Variants in CACNA1S observed in about 807,000 individuals in gnomAD.
CACNA1S encodes voltage-dependent L-type calcium channel subunit alpha-1S.
CACNA1S carries 126 observed loss-of-function variants against 207.4 expected under a neutral mutation model. That is an observed-to-expected ratio of 0.61 (90% CI 0.53 to 0.70). CACNA1S has a LOEUF of 0.70. Ranked by LOEUF, CACNA1S falls within the 30% of genes least tolerant of loss-of-function variation. The probability of loss-of-function intolerance (pLI) is 0.00; values close to 1 mark genes in which losing one functional copy is unlikely to be tolerated. For missense variants in CACNA1S, 2,349 were observed against 2,422.8 expected, an observed-to-expected ratio of 0.97 and a Z score of 0.64; for synonymous variants, 960 against 932.7, an observed-to-expected ratio of 1.03 and a Z score of -0.53.
At chr1:201,084,866 A>T in intron 9 of CACNA1S, 84 bp downstream of exon 9, 1 of 957,668 alleles carries the variant, frequency 1.0e-6, no homozygotes, top group Non-Finnish European at 1.7e-6. Context: ...CTCTGAAACC[A>T]CTGAGGGGAA....
At chr1:201,083,519 A>G (rs1661919443) in intron 9 of CACNA1S, among the ~76,000 whole-genome samples, 197 bp from the exon 10 acceptor site, 1 of 152,210 alleles carries the variant, frequency 6.6e-6, no homozygotes. Flanking sequence ...AGCGATAATG[A>G]CACAAACCTC....
Position 201,047,626 on chromosome 1 carries a change from C to T in CACNA1S, c.4442G>A (p.Gly1481Asp). 4 of 1,613,328 alleles carry T rather than the reference C, an allele frequency of 2.5e-6. No homozygotes were observed. The highest frequency in any genetic ancestry group is 3.4e-6 in the Non-Finnish European group (4 of 1,179,240). ...CTCCTCGTTGGCCTGCTCAAAGTTA[C>T]CTGGAGCAGGAGAAAGGCAAAAGTT... ...VRTALKIKTEGNFEQANEELR... is the reference protein window; with the variant it reads ...VRTALKIKTEDNFEQANEELR... The change falls in exon 37 of 44, where the codon GGT (glycine) becomes GAT (aspartate). Residue 1481 changes from glycine (G) to aspartate (D), a missense_variant and splice_region_variant. Transcript: ENST00000362061.
chr1:201,078,792 C>T (rs1011187428), intron 10 of CACNA1S, among the ~76,000 whole-genome samples: 2 of 152,016 alleles, frequency 1.3e-5, no homozygotes, highest in African/African-American at 4.8e-5. Flanking sequence ...TATTTAACTT[C>T]TTTCTTTCAA....
chr1:201,052,786 A>G lies in CACNA1S; in HGVS notation c.3862-138T>C. 4.2e-6 allele frequency: 3 copies of G among 717,272 alleles called. No individual in the cohort carries two copies. The South Asian group carries it at 4.7e-5, about 11-fold the overall frequency. 44.4% of individuals were successfully genotyped at this position (717,272 alleles called of 1,614,324 possible). On this transcript the variant is annotated intron_variant, in intron 31 of 43. Transcript: ENST00000362061. ...TTCCCTTCATTGCGGGCCACATCAGACCTGAAGCCAAAAAAAACGGGATTA... is the reference window on the plus strand; with the variant it reads ...TTCCCTTCATTGCGGGCCACATCAGGCCTGAAGCCAAAAAAAACGGGATTA...
chr1:201,054,428 C>T, intron 29 of CACNA1S, 77 bp downstream of exon 29: 1 of 1,438,032 alleles, frequency 7.0e-7, no homozygotes, highest in Non-Finnish European at 9.8e-7. Flanking sequence ...GCAATCCACG[C>T]AGCCAGGCCC....
At chr1:201,090,111 G>A (rs796683914) in intron 5 of CACNA1S, among the ~76,000 whole-genome samples, 27 of 152,306 alleles carry the variant, frequency 1.8e-4, no homozygotes, top group African/African-American at 5.5e-4. Context: ...CATCAGAACT[G>A]GAACACCCTG....
chr1:201,096,783 T>A (rs1250270363), intron 2 of CACNA1S, among the ~76,000 whole-genome samples: 1 of 152,212 alleles, frequency 6.6e-6, no homozygotes, highest in East Asian at 1.9e-4. Flanking sequence ...GCTGAATACA[T>A]CACAGCTATT....
At chr1:201,049,552 GAAC>G (rs1292187931) in intron 34 of CACNA1S, among the ~76,000 whole-genome samples, 1 of 152,166 alleles carries the variant, frequency 6.6e-6, no homozygotes, top group African/African-American at 2.4e-5. Context: ...ACATAAAACA[GAAC>G]AACCAGGGAG....
chr1:201,066,354 T>C lies in CACNA1S; in HGVS notation c.2658-38A>G. Reference sequence around the variant, plus strand: ...AATGGTGAGGGGGCTGAGGGCAGCCTGCTCCAGCCAGCCCAGTCTGCGGTG... The same window carrying C: ...AATGGTGAGGGGGCTGAGGGCAGCCCGCTCCAGCCAGCCCAGTCTGCGGTG... On this transcript the variant is annotated intron_variant, in intron 20 of 43. Coordinates refer to ENST00000362061, the MANE Select transcript of CACNA1S (RefSeq NM_000069.3). This position sits in a 1 kb window ranked among gnomAD's most constrained non-coding sequence, Gnocchi z 4.3. 6.4e-7 allele frequency: 1 copy of C among 1,557,332 alleles called. No homozygotes were observed. Among genetic ancestry groups the C allele is most frequent in the Non-Finnish European group, 8.8e-7 (1 of 1,137,990 alleles).
At chr1:201,090,228 C>T (rs1236254079) in intron 5 of CACNA1S, among the ~76,000 whole-genome samples, 1 of 152,126 alleles carries the variant, frequency 6.6e-6, no homozygotes, top group Non-Finnish European at 1.5e-5. Flanking sequence ...AGTCAGAAGC[C>T]CCGATCCGAG....
chr1:201,070,612 G>A (rs1340991447), intron 16 of CACNA1S, among the ~76,000 whole-genome samples: 2 of 152,168 alleles, frequency 1.3e-5, no homozygotes, highest in Non-Finnish European at 2.9e-5. Context: ...GGTAGGTAAG[G>A]GAAGCCCACA....
chr1:201,093,770 T>C, intron 3 of CACNA1S, 112 bp downstream of exon 3: 2 of 1,332,222 alleles, frequency 1.5e-6, no homozygotes, highest in Non-Finnish European at 2.1e-6. Context: ...CATGCAGTGG[T>C]TAGCACAATG....
At chr1:201,110,100 A>C (rs1393731912) in intron 2 of CACNA1S, 64 bp downstream of exon 2, 1 of 1,434,722 alleles carries the variant, frequency 7.0e-7, no homozygotes, top group Non-Finnish European at 9.8e-7. Flanking sequence ...GAGTCCACCA[A>C]GGGGGCCTCC....
rs3767501 is a variant in CACNA1S, at chr1:201,053,951, C to T, written c.3667-364G>A. On this transcript the variant is annotated intron_variant, in intron 29 of 43. Coordinates refer to ENST00000362061, the MANE Select transcript of CACNA1S (RefSeq NM_000069.3). The surrounding 1 kb of genome is among the most constrained non-coding windows in gnomAD (Gnocchi z 5.1). ...TCAAGCTGCCACTGAGTCGAGGACC[C>T]TGGTGGCCCTCCTAGGGCTCCTCCC... Among the ~76,000 whole-genome samples the T allele has an allele frequency of 0.76, 115,331 of 152,102 alleles. 44,461 individuals are homozygous for T. Among genetic ancestry groups the T allele is most frequent in the East Asian group, 0.99 (5,119 of 5,152 alleles).
In CACNA1S at chr1:201,039,943, T is replaced by C. The variant is rs200765341; in HGVS notation, c.5510A>G (p.Glu1837Gly). The change falls in exon 44 of 44, where the codon GAG (glutamate) becomes GGG (glycine). Residue 1837 changes from glutamate (E) to glycine (G), a missense_variant. Transcript: ENST00000362061. Reference protein sequence around the residue: ...IMATELLKGREAPEGMASSLG... With the variant: ...IMATELLKGRGAPEGMASSLG... ...GGAGCTGGCCATGCCCTCTGGGGCCTCTCGTCCTTTCAGTAGCTCTGTTGC... is the reference window on the plus strand; with the variant it reads ...GGAGCTGGCCATGCCCTCTGGGGCCCCTCGTCCTTTCAGTAGCTCTGTTGC... 1.2e-6 allele frequency: 2 copies of C among 1,614,152 alleles called. No homozygotes were observed. The highest frequency in any genetic ancestry group is 3.3e-5 in the Admixed American group (2 of 60,032).
Position 201,054,665 on chromosome 1 carries a change from A to G in CACNA1S, c.3610-104T>C, listed in dbSNP as rs1248265808. ...GTGTCAGAAAGGACAGACACACAGA[A>G]GAGTTAAAGAGAAAAAGAGGCAGGG... On this transcript the variant is annotated intron_variant, in intron 28 of 43. Coordinates refer to ENST00000362061, the MANE Select transcript of CACNA1S (RefSeq NM_000069.3). 1.1e-5 allele frequency: 8 copies of G among 716,604 alleles called. No homozygotes were observed. In the African/African-American group the frequency reaches 1.6e-4, roughly 14 times the overall value. 44.4% of individuals were successfully genotyped at this position (716,604 alleles called of 1,614,324 possible).
chr1:201,054,451 G>A lies in CACNA1S; in HGVS notation c.3666+54C>T, dbSNP rs1660763039. The A allele has an allele frequency of 3.2e-6, 5 of 1,558,982 alleles. 1 individual carries two copies. In the South Asian group the frequency reaches 5.6e-5, roughly 17 times the overall value. Reference sequence around the variant, plus strand: ...CGCAGCCAGGCCCATGCATGCAAGTGGCAGGGCAGGAGCTGGTGAGCGTGC... The same window carrying A: ...CGCAGCCAGGCCCATGCATGCAAGTAGCAGGGCAGGAGCTGGTGAGCGTGC... On this transcript the variant is annotated intron_variant, in intron 29 of 43. Transcript: ENST00000362061.
intron 2 of CACNA1S, among the ~76,000 whole-genome samples, chr1:201,105,657 C>G (rs983336683): frequency 6.6e-5 from 10 of 152,166 alleles, no homozygotes; most frequent in African/African-American, 2.4e-4. Context: ...TCCCAGGACT[C>G]CTTGCTCTCT....
chr1:201,068,231 C>CTTTTTTTTTTTT (rs60151209), intron 19 of CACNA1S, among the ~76,000 whole-genome samples: 2 of 47,006 alleles, frequency 4.3e-5, no homozygotes, highest in African/African-American at 2.0e-4. Context: ...CGGCTCTGCT[C>CTTTTTTTTTTTT]TTTTTTTTTT....
Sources: allele counts gnomAD v4.1 joint callset (sites outside exome capture counted in the v4.1 genomes callset), GRCh38; gene constraint gnomAD v4.1.1; non-coding constraint Gnocchi (gnomAD v3.1); transcripts MANE v1.5; gene names NCBI Gene and HGNC (gene_info 2026-07-23, HGNC 2026-07-21).